Variants in MMP16 observed in about 807,000 individuals in gnomAD.
MMP16 encodes the protein matrix metalloproteinase-16.
Under a neutral mutation model 67.8 loss-of-function variants are expected in MMP16, and 12 were observed. The ratio of observed to expected loss-of-function variants is 0.18; its 90% CI spans 0.11 to 0.29. MMP16 has a LOEUF of 0.29. MMP16 is among the 10% of genes least tolerant of loss of function. MMP16 has a pLI of 1.00. For synonymous variants in MMP16, 249 were observed against 255.9 expected (o/e 0.97, Z 0.26); for missense variants, 475 against 765.7 (o/e 0.62, Z 4.48).
At chr8:88,283,754 C>T (rs1810779112) in intron 1 of MMP16, among the ~76,000 whole-genome samples, 1 of 152,000 alleles carries the variant, frequency 6.6e-6, no homozygotes, top group Non-Finnish European at 1.5e-5. Flanking sequence ...ATACACTGAC[C>T]TGTGATACCG....
chr8:88,038,444 T>G lies in MMP16; in HGVS notation c.*3017A>C, dbSNP rs1294952593. ...TAGCCCTTATATACTGATAGCCTTA[T>G]GACGAATCAGGATATTGTGATGAAT... On this transcript the variant is annotated 3_prime_UTR_variant, in exon 10 of 10. Coordinates refer to ENST00000286614, the MANE Select transcript of MMP16 (RefSeq NM_005941.5). The surrounding 1 kb of genome is among the most constrained non-coding windows in gnomAD (Gnocchi z 4.1). 1 of 152,472 alleles carries G rather than the reference T, an allele frequency of 6.6e-6. No homozygotes were observed. The highest frequency in any genetic ancestry group is 1.5e-5 in the Non-Finnish European group (1 of 67,952). 9.4% of individuals were successfully genotyped at this position (152,472 alleles called of 1,614,324 possible). A position where few individuals can be genotyped will look rare whatever the true frequency, so the allele number is the denominator to read the frequency against.
chr8:88,283,673 G>T (rs1473917831), intron 1 of MMP16, among the ~76,000 whole-genome samples: 1 of 151,948 alleles, frequency 6.6e-6, no homozygotes, highest in African/African-American at 2.4e-5. Context: ...TACACATTCT[G>T]CTCTTTGCAA....
chr8:88,122,989 C>T (rs572753452), intron 4 of MMP16, among the ~76,000 whole-genome samples: 6 of 151,578 alleles, frequency 4.0e-5, no homozygotes, highest in Non-Finnish European at 7.4e-5. Context: ...AGTGCAGCCC[C>T]GGCCAACATG....
rs745716157 is a variant in MMP16, at chr8:88,041,508, G to C, written c.1777C>G (p.Pro593Ala). The C allele has an allele frequency of 3.1e-6, 5 of 1,613,282 alleles. No individual in the cohort carries two copies. Among genetic ancestry groups the C allele is most frequent in the Non-Finnish European group, 4.2e-6 (5 of 1,179,674 alleles). The change falls in exon 10 of 10, where the codon CCC (proline) becomes GCC (alanine). Residue 593 changes from proline to alanine, a missense_variant. Pro to Ala is a conservative substitution (Grantham distance 27, BLOSUM62 -1). Around this residue, in one of 5 missense-constraint regions of MMP16, gnomAD observed 80 missense variants for 93.4 expected, o/e 0.86. Transcript: ENST00000286614. This position sits in a 1 kb window ranked among gnomAD's most constrained non-coding sequence, Gnocchi z 6.0. Reference sequence around the variant, plus strand: ...CGTTTACAGTACAGTATGTGGCGGGGTGTTCCTTTCCTCTTGAACTGGAAC... The same window carrying C: ...CGTTTACAGTACAGTATGTGGCGGGCTGTTCCTTTCCTCTTGAACTGGAAC... ...TVFQFKRKGTPRHILYCKRSM... is the reference protein window; with the variant it reads ...TVFQFKRKGTARHILYCKRSM...
intron 1 of MMP16, among the ~76,000 whole-genome samples, chr8:88,215,586 T>C (rs1470077620): frequency 6.6e-6 from 1 of 152,114 alleles, no homozygotes; most frequent in Non-Finnish European, 1.5e-5. Context: ...TGCCGTTCTC[T>C]ACGGTGCCAC....
chr8:88,271,380 T>C (rs1810559233), intron 1 of MMP16, among the ~76,000 whole-genome samples: 1 of 152,238 alleles, frequency 6.6e-6, no homozygotes, highest in Non-Finnish European at 1.5e-5. Context: ...TTTTAAAAAA[T>C]GGTTTGTTGC....
intron 1 of MMP16, among the ~76,000 whole-genome samples, chr8:88,269,413 C>A (rs1312072640): frequency 6.6e-6 from 1 of 152,044 alleles, no homozygotes; most frequent in African/African-American, 2.4e-5. Context: ...AGAGCCATAA[C>A]AAAAGTGGGC....
chr8:88,249,651 C>T (rs1810174588), intron 1 of MMP16, among the ~76,000 whole-genome samples: 1 of 152,082 alleles, frequency 6.6e-6, no homozygotes, highest in Admixed American at 6.6e-5. Context: ...AGACAAGTAG[C>T]TCTTGGGAAT....
At chr8:88,170,465 T>A (rs1200412791) in intron 3 of MMP16, among the ~76,000 whole-genome samples, 4 of 152,136 alleles carry the variant, frequency 2.6e-5, no homozygotes, top group African/African-American at 7.2e-5. Flanking sequence ...CCTAATAGTC[T>A]TTTATTTTCT....
chr8:88,149,796 G>T (rs1439986220), intron 4 of MMP16, among the ~76,000 whole-genome samples: 2 of 149,766 alleles, frequency 1.3e-5, no homozygotes, highest in South Asian at 2.1e-4. Context: ...ACTCTAAAAA[G>T]CAGAGCGCCT....
chr8:88,064,946 A>G (rs1364810199), intron 7 of MMP16, among the ~76,000 whole-genome samples: 1 of 152,062 alleles, frequency 6.6e-6, no homozygotes, highest in East Asian at 1.9e-4. Flanking sequence ...AGAAACTATC[A>G]TCAGCTGAGT....
At chr8:88,095,434 C>T (rs1298924148) in intron 6 of MMP16, among the ~76,000 whole-genome samples, 1 of 151,756 alleles carries the variant, frequency 6.6e-6, no homozygotes, top group Non-Finnish European at 1.5e-5. Context: ...TCTTACTTCC[C>T]CATCCGTACC....
intron 4 of MMP16, among the ~76,000 whole-genome samples, chr8:88,140,417 G>A (rs910166601): frequency 6.6e-6 from 1 of 152,156 alleles, no homozygotes; most frequent in Non-Finnish European, 1.5e-5. Context: ...CTATTCATTA[G>A]AAGGGAGTCA....
At chr8:88,070,835 T>C (rs1047531166) in intron 7 of MMP16, among the ~76,000 whole-genome samples, 3 of 152,154 alleles carry the variant, frequency 2.0e-5, no homozygotes, top group African/African-American at 7.2e-5. Flanking sequence ...CATTTTTTAA[T>C]ATAATTTGTC....
At chr8:88,055,224 T>A (rs1808316420) in intron 8 of MMP16, among the ~76,000 whole-genome samples, 2 of 152,182 alleles carry the variant, frequency 1.3e-5, no homozygotes, top group East Asian at 3.8e-4. Flanking sequence ...TTTTTTGTTT[T>A]TGAGACAGGG....
intron 3 of MMP16, among the ~76,000 whole-genome samples, chr8:88,181,871 TAG>T (rs1296392315): frequency 1.3e-5 from 2 of 151,906 alleles, no homozygotes; most frequent in African/African-American, 4.8e-5. Flanking sequence ...TCACCACAAA[TAG>T]AGTCAACTGA....
chr8:88,145,401 C>T lies in MMP16; in HGVS notation c.709+22268G>A, dbSNP rs80344704. Among the ~76,000 whole-genome samples, 325 of 151,760 alleles carry T rather than the reference C, an allele frequency of 2.1e-3. 1 individual carries two copies. The highest frequency in any genetic ancestry group is 7.5e-3 in the African/African-American group (311 of 41,408). ...TGGGAACATTATCATATGTAAGGGC[C>T]ATCATTGTCCAAAATACAATTATGT... On this transcript the variant is annotated intron_variant, in intron 4 of 9. Transcript: ENST00000286614.
At chr8:88,051,053 T>C (rs186166202) in intron 8 of MMP16, among the ~76,000 whole-genome samples, 1 of 152,310 alleles carries the variant, frequency 6.6e-6, no homozygotes, top group African/African-American at 2.4e-5. Context: ...TTAGAAAAAC[T>C]CAACATAGGC....
intron 1 of MMP16, among the ~76,000 whole-genome samples, chr8:88,326,092 G>T (rs1015215872): frequency 1.3e-5 from 2 of 151,878 alleles, no homozygotes; most frequent in Non-Finnish European, 2.9e-5. Context: ...TAATTCGTTT[G>T]AGAGTTCAGA....
Sources: gnomAD v4.1 joint callset for allele counts (sites outside exome capture counted in the v4.1 genomes callset) on GRCh38, gnomAD v4.1.1 for gene constraint, gnomAD v4.1.1 regional missense constraint, Gnocchi (gnomAD v3.1) non-coding constraint, MANE v1.5 for transcripts, NCBI Gene and HGNC (gene_info 2026-07-23, HGNC 2026-07-21) for gene names.